The following PID1 variants were observed in gnomAD, a reference collection of about 807,000 sequenced individuals.
The protein encoded by PID1 is phosphotyrosine interaction domain containing 1.
In PID1, 10 loss-of-function variants were observed where a neutral mutation model predicts 19.1. The observed-to-expected ratio is 0.52, with a 90% CI of 0.32 to 0.89. The LOEUF (loss-of-function observed/expected upper bound fraction) is 0.89. Among genes scored for constraint, PID1 ranks in the 40% least tolerant of loss-of-function variants. The pLI, the probability that PID1 is intolerant of heterozygous loss-of-function variation, is 0.03. For missense variants in PID1, 248 were observed against 285.3 expected, an observed-to-expected ratio of 0.87 and a Z score of 0.94; for synonymous variants, 130 against 116.0, an observed-to-expected ratio of 1.12 and a Z score of -0.78.
intron 1 of PID1, among the ~76,000 whole-genome samples, chr2:229,160,439 A>G (rs1239155685): frequency 6.6e-6 from 1 of 152,124 alleles, no homozygotes; most frequent in African/African-American, 2.4e-5. Flanking sequence ...TATATTGTGC[A>G]ACCTCAGCTA....
rs139985025 is a variant in PID1 at position 229,238,923 on chromosome 2, A to T, written c.30+32091T>A. ...CAATAGCATTAGTAATGACCTCAAG[A>T]ATATTGTAAAGATATTACCACTAAT... On this transcript the variant is annotated intron_variant, in intron 1 of 2. Coordinates refer to ENST00000392055, the MANE Select transcript of PID1 (RefSeq NM_001100818.2). 8.5e-3 allele frequency among the ~76,000 whole-genome samples: 1,289 copies of T among 152,240 alleles called. 6 individuals carry two copies. The highest frequency in any genetic ancestry group is 0.014 in the Non-Finnish European group (977 of 68,014).
chr2:229,099,032 T>C (rs1695026340), intron 2 of PID1, among the ~76,000 whole-genome samples: 1 of 152,200 alleles, frequency 6.6e-6, no homozygotes. Flanking sequence ...CCAAGTGCAC[T>C]GAGGCTGCAC....
intron 1 of PID1, among the ~76,000 whole-genome samples, chr2:229,234,382 G>A (rs1456607323): frequency 2.6e-5 from 4 of 152,206 alleles, no homozygotes; most frequent in Non-Finnish European, 4.4e-5. Context: ...CAGTCTCATA[G>A]TGATGCCATG....
intron 1 of PID1, among the ~76,000 whole-genome samples, chr2:229,241,775 T>G (rs1177503202): frequency 1.3e-5 from 2 of 152,122 alleles, no homozygotes; most frequent in Non-Finnish European, 2.9e-5. Context: ...AATAGAATCT[T>G]TTCATTTTTT....
At chr2:229,232,910 A>G (rs1180684389) in intron 1 of PID1, among the ~76,000 whole-genome samples, 4 of 151,752 alleles carry the variant, frequency 2.6e-5, no homozygotes, top group Admixed American at 6.6e-5. Context: ...AATGCAAACT[A>G]AAGCAACAGA....
intron 1 of PID1, among the ~76,000 whole-genome samples, chr2:229,244,578 C>A (rs1689953312): frequency 6.6e-6 from 1 of 152,112 alleles, no homozygotes; most frequent in Non-Finnish European, 1.5e-5. Flanking sequence ...TCAACTCAGT[C>A]AAAATTAGGT....
rs537102493 is a variant in PID1, at chr2:229,065,823, T to C, written c.178-39715A>G. Among the ~76,000 whole-genome samples the C allele has an allele frequency of 1.3e-4, 20 of 152,016 alleles. No homozygotes were observed. The South Asian group carries it at 3.9e-3, about 30-fold the overall frequency. On this transcript the variant is annotated intron_variant, in intron 2 of 2. Coordinates refer to ENST00000392055, the MANE Select transcript of PID1 (RefSeq NM_001100818.2). The stretch of plus-strand genomic sequence containing the variant: ...ACCATCTTGACCACCACATAGTCTA[T>C]TGCAACACATTTCCAAAGGTTCTAC...
At chr2:229,080,277 T>C (rs753144284) in intron 2 of PID1, among the ~76,000 whole-genome samples, 2 of 152,222 alleles carry the variant, frequency 1.3e-5, no homozygotes, top group African/African-American at 2.4e-5. Flanking sequence ...CTTTCTGTAA[T>C]CTGGCTTCTA....
intron 2 of PID1, among the ~76,000 whole-genome samples, chr2:229,099,759 A>C (rs527511925): frequency 6.6e-6 from 1 of 152,358 alleles, no homozygotes; most frequent in Admixed American, 6.5e-5. Flanking sequence ...AAAGAAGTAG[A>C]AAGTGATTGG....
intron 1 of PID1, among the ~76,000 whole-genome samples, chr2:229,157,293 G>A (rs1443623685): frequency 6.6e-6 from 1 of 152,102 alleles, no homozygotes; most frequent in African/African-American, 2.4e-5. Context: ...AGCCGGGCGT[G>A]ATGTCAGGCA....
intron 2 of PID1, among the ~76,000 whole-genome samples, chr2:229,056,263 C>T (rs538496481): frequency 6.6e-6 from 1 of 152,262 alleles, no homozygotes; most frequent in South Asian, 2.1e-4. Context: ...ACTCATGCCC[C>T]AATTAACGGC....
chr2:229,139,065 AAG>A (rs1167861981), intron 2 of PID1, among the ~76,000 whole-genome samples: 1 of 55,122 alleles, frequency 1.8e-5, no homozygotes, highest in African/African-American at 9.3e-5. Flanking sequence ...AAGAGAAAGA[AAG>A]AAAGAAAGAA....
intron 2 of PID1, among the ~76,000 whole-genome samples, chr2:229,065,819 T>C (rs1694314491): frequency 6.6e-6 from 1 of 151,640 alleles, no homozygotes; most frequent in South Asian, 2.1e-4. Flanking sequence ...CACCACATAG[T>C]CTATTGCAAC....
chr2:229,096,135 T>C (rs928172920), intron 2 of PID1, among the ~76,000 whole-genome samples: 10 of 152,210 alleles, frequency 6.6e-5, no homozygotes, highest in Non-Finnish European at 1.3e-4. Context: ...GCAAAGTAGC[T>C]ATATTCCTAT....
chr2:229,104,848 G>C (rs1367273532), intron 2 of PID1, among the ~76,000 whole-genome samples: 1 of 152,182 alleles, frequency 6.6e-6, no homozygotes, highest in African/African-American at 2.4e-5. Flanking sequence ...ATCCCACCTG[G>C]CACATAAGGA....
intron 1 of PID1, among the ~76,000 whole-genome samples, chr2:229,207,614 A>G (rs1357826141): frequency 6.6e-6 from 1 of 151,404 alleles, no homozygotes; most frequent in African/African-American, 2.4e-5. Flanking sequence ...GGCGGTTCTC[A>G]GATGCAGACG....
intron 1 of PID1, among the ~76,000 whole-genome samples, chr2:229,198,920 A>G (rs1378778910): frequency 1.3e-5 from 2 of 152,084 alleles, no homozygotes; most frequent in Non-Finnish European, 2.9e-5. Context: ...ATCAGATTAT[A>G]TAATGTCGAC....
Position 229,131,537 on chromosome 2 carries a change from T to C in PID1, c.177+24281A>G, listed in dbSNP as rs113711121. Among the ~76,000 whole-genome samples, 599 of 152,290 alleles carry C rather than the reference T, an allele frequency of 3.9e-3. 6 individuals are homozygous for C. The highest frequency in any genetic ancestry group is 0.014 in the African/African-American group (565 of 41,554). Reference sequence around the variant, plus strand: ...TGAGCCACCATGGCCAGCCACATTTTTCTATGAGAACAAAGTCATGTGAAA... The same window carrying C: ...TGAGCCACCATGGCCAGCCACATTTCTCTATGAGAACAAAGTCATGTGAAA... On this transcript the variant is annotated intron_variant, in intron 2 of 2. Coordinates refer to ENST00000392055, the MANE Select transcript of PID1 (RefSeq NM_001100818.2).
Position 229,227,321 on chromosome 2 carries a change from A to G in PID1, c.30+43693T>C, listed in dbSNP as rs371827023. On this transcript the variant is annotated intron_variant, in intron 1 of 2. Transcript: ENST00000392055. ...CGTTTCAAGTGCTCATTAGTCACCT[A>G]TGGCCAGTGGCCACTATATTGAACA... 2.0e-4 allele frequency among the ~76,000 whole-genome samples: 31 copies of G among 152,336 alleles called. No homozygotes were observed. The East Asian group carries it at 5.8e-3, about 28-fold the overall frequency.
Sources: allele counts gnomAD v4.1 joint callset (sites outside exome capture counted in the v4.1 genomes callset), GRCh38; gene constraint gnomAD v4.1.1; transcripts MANE v1.5; gene names NCBI Gene and HGNC (gene_info 2026-07-23, HGNC 2026-07-21).